Variants in CRISPLD2 observed in about 807,000 individuals in gnomAD.
The protein encoded by CRISPLD2 is cysteine-rich secretory protein LCCL domain-containing 2.
A neutral mutation model predicts 71.1 loss-of-function variants in CRISPLD2; 47 were observed. The observed-to-expected ratio is 0.66, with a 90% CI of 0.52 to 0.84. The LOEUF (loss-of-function observed/expected upper bound fraction) is 0.84. Ranked by LOEUF, CRISPLD2 falls within the 40% of genes least tolerant of loss-of-function variation. CRISPLD2 has a pLI of 0.00. For synonymous variants in CRISPLD2, 317 were observed against 250.1 expected, an observed-to-expected ratio of 1.27 and a Z score of -2.52; for missense variants, 830 against 651.1, an observed-to-expected ratio of 1.27 and a Z score of -2.99.
chr16:84,863,197 G>A (rs1440891496), intron 6 of CRISPLD2: 2 of 152,170 alleles, frequency 1.3e-5, no homozygotes, highest in East Asian at 3.9e-4. Context: ...GAATAAATAT[G>A]CCAATAGCCA....
intron 1 of CRISPLD2, among the ~76,000 whole-genome samples, chr16:84,838,185 C>G (rs923586303): frequency 6.6e-6 from 1 of 152,142 alleles, no homozygotes; most frequent in African/African-American, 2.4e-5. Context: ...CCAGGAAGAA[C>G]TGTTCTAGGT....
intron 6 of CRISPLD2, 126 bp from the exon 7 acceptor site, chr16:84,866,771 C>T: frequency 1.1e-6 from 1 of 899,114 alleles, no homozygotes; most frequent in Non-Finnish European, 1.7e-6. Flanking sequence ...CTCTTTGCCG[C>T]TGAAATGATT....
At chr16:84,891,679 C>A (rs1054829018) in intron 14 of CRISPLD2, among the ~76,000 whole-genome samples, 2 of 152,312 alleles carry the variant, frequency 1.3e-5, no homozygotes, top group East Asian at 3.9e-4. Context: ...TGTTCCCTGT[C>A]GGGCTGATTC....
chr16:84,842,692 C>T (rs1373553663), intron 2 of CRISPLD2, among the ~76,000 whole-genome samples: 2 of 151,996 alleles, frequency 1.3e-5, no homozygotes, highest in African/African-American at 4.8e-5. Flanking sequence ...TCTTTTTCGC[C>T]GCCAATTTCT....
chr16:84,855,228 C>T (rs1033870970), intron 6 of CRISPLD2, among the ~76,000 whole-genome samples: 4 of 152,118 alleles, frequency 2.6e-5, no homozygotes, highest in African/African-American at 9.7e-5. Flanking sequence ...GCAGGAGGAC[C>T]ATATGAGGCC....
At chr16:84,904,102 C>A (rs1301665514) in intron 14 of CRISPLD2, among the ~76,000 whole-genome samples, 1 of 152,212 alleles carries the variant, frequency 6.6e-6, no homozygotes, top group Non-Finnish European at 1.5e-5. Flanking sequence ...CAGGGAGGAT[C>A]TAGAGAATGA....
chr16:84,869,694 A>C (rs112520454), intron 8 of CRISPLD2, among the ~76,000 whole-genome samples: 1 of 152,304 alleles, frequency 6.6e-6, no homozygotes, highest in East Asian at 1.9e-4. Flanking sequence ...TAGCATTTGC[A>C]TGTCTCTGTG....
chr16:84,879,327 A>G (rs1220738106), intron 12 of CRISPLD2, among the ~76,000 whole-genome samples: 2 of 152,156 alleles, frequency 1.3e-5, no homozygotes, highest in Non-Finnish European at 2.9e-5. Flanking sequence ...AGAAGTAGGA[A>G]AGAATGGAGA....
chr16:84,839,376 G>A (rs956755609), intron 2 of CRISPLD2: 2 of 206,562 alleles, frequency 9.7e-6, no homozygotes, highest in Non-Finnish European at 2.0e-5. Context: ...TGTGCCACAC[G>A]CTAGCTGCAC....
At chr16:84,876,128 A>G (rs1205936076) in intron 11 of CRISPLD2, among the ~76,000 whole-genome samples, 2 of 152,230 alleles carry the variant, frequency 1.3e-5, no homozygotes, top group Non-Finnish European at 1.5e-5. Context: ...CCTCTCTGCT[A>G]CAACAGCAGA....
chr16:84,872,374 G>T, intron 8 of CRISPLD2, 68 bp from the exon 9 acceptor site: 1 of 1,293,588 alleles, frequency 7.7e-7, no homozygotes, highest in Non-Finnish European at 1.1e-6. Context: ...TGAAAAAAAT[G>T]ATAAACTCAT....
intron 6 of CRISPLD2, among the ~76,000 whole-genome samples, chr16:84,856,747 C>T (rs1292323137): frequency 6.6e-6 from 1 of 152,196 alleles, no homozygotes; most frequent in Non-Finnish European, 1.5e-5. Context: ...TTCAAAAGGC[C>T]ATTCCACTGT....
chr16:84,830,726 A>G (rs1194385861), intron 1 of CRISPLD2, among the ~76,000 whole-genome samples: 1 of 151,856 alleles, frequency 6.6e-6, no homozygotes, highest in Non-Finnish European at 1.5e-5. Context: ...AAAAAAAGTC[A>G]TATTTAAAAA....
intron 1 of CRISPLD2, chr16:84,836,310 T>C (rs564322545): frequency 6.6e-6 from 1 of 152,274 alleles, no homozygotes; most frequent in Non-Finnish European, 1.5e-5. Context: ...TTTTCTGGCA[T>C]CTCTTCTTTG....
intron 6 of CRISPLD2, among the ~76,000 whole-genome samples, chr16:84,860,764 G>T (rs1031006219): frequency 6.6e-6 from 1 of 152,170 alleles, no homozygotes; most frequent in Non-Finnish European, 1.5e-5. Context: ...TAGACACCTA[G>T]CGAGGTGTCT....
chr16:84,897,343 T>C (rs946144596), intron 14 of CRISPLD2, among the ~76,000 whole-genome samples: 2 of 150,352 alleles, frequency 1.3e-5, no homozygotes, highest in African/African-American at 4.9e-5. Flanking sequence ...TCCCAGGTAC[T>C]TGGGAGGCTG....
intron 8 of CRISPLD2, among the ~76,000 whole-genome samples, chr16:84,869,394 G>A (rs896054286): frequency 1.1e-4 from 16 of 152,318 alleles, no homozygotes; most frequent in East Asian, 5.8e-4. Flanking sequence ...GTCTTCCTAC[G>A]AATTCTGGCA....
chr16:84,838,735 GGTGAGCGCC>G lies in CRISPLD2; in HGVS notation c.240+2_240+10del. On this transcript the variant is annotated splice_donor_variant and splice_donor_5th_base_variant and intron_variant, in intron 2 of 14. Transcript: ENST00000262424. LOFTEE classifies it high-confidence loss of function. ...CTCAGGCCTCCAACATGGAGTACATGGTGAGCGCCGGCTCCGGCCGCAGAGGCTGGCACC... is the reference window on the plus strand; with the variant it reads ...CTCAGGCCTCCAACATGGAGTACATGGGCTCCGGCCGCAGAGGCTGGCACC... The G allele has an allele frequency of 6.2e-7, 1 of 1,611,906 alleles. No homozygotes were observed. The highest frequency in any genetic ancestry group is 8.5e-7 in the Non-Finnish European group (1 of 1,179,696).
chr16:84,868,599 G>C (rs764787520), intron 7 of CRISPLD2, among the ~76,000 whole-genome samples: 1 of 152,222 alleles, frequency 6.6e-6, no homozygotes, highest in Non-Finnish European at 1.5e-5. Flanking sequence ...GTCACTGTCC[G>C]CATTGTCCAT....
Sources: gnomAD v4.1 joint callset for allele counts (sites outside exome capture counted in the v4.1 genomes callset) on GRCh38, gnomAD v4.1.1 for gene constraint, MANE v1.5 for transcripts, NCBI Gene and HGNC (gene_info 2026-07-23, HGNC 2026-07-21) for gene names.